Variants in RUNX1 observed in about 807,000 individuals in gnomAD.
RUNX1 encodes the protein runt-related transcription factor 1.
In RUNX1, 19 loss-of-function variants were observed where a neutral mutation model predicts 42.8. The observed-to-expected ratio is 0.44, with a 90% CI of 0.31 to 0.65. The LOEUF is 0.65. Ranked by LOEUF, RUNX1 falls within the 30% of genes least tolerant of loss-of-function variation. The pLI is 0.07. For synonymous variants in RUNX1, 271 were observed against 289.4 expected (o/e 0.94, Z 0.64); for missense variants, 528 against 672.0 (o/e 0.79, Z 2.37).
intron 7 of RUNX1, among the ~76,000 whole-genome samples, chr21:34,809,922 T>C (rs1279035352): frequency 6.6e-6 from 1 of 152,236 alleles, no homozygotes; most frequent in African/African-American, 2.4e-5. Context: ...GAGAATACGA[T>C]GCTTTTGAGC....
intron 7 of RUNX1, chr21:34,821,805 G>T: frequency 1.1e-6 from 1 of 901,526 alleles, no homozygotes; most frequent in Non-Finnish European, 1.6e-6. Flanking sequence ...AGAATCAAAT[G>T]AGGAAATCAG....
Position 34,930,270 on chromosome 21 carries a change from G to GTATATATATA in RUNX1, c.59-37317_59-37308dup, listed in dbSNP as rs1555906427. Reference sequence around the variant, plus strand: ...ATGTATATTATACGTGTGTGTGTATGTATATATATATATATATATATAAAT... The same window carrying GTATATATATA: ...ATGTATATTATACGTGTGTGTGTATGTATATATATATATATATATATATATATATATAAAT... On this transcript the variant is annotated intron_variant, in intron 2 of 8. Coordinates refer to ENST00000675419, the MANE Select transcript of RUNX1 (RefSeq NM_001754.5). Among the ~76,000 whole-genome samples the GTATATATATA allele has an allele frequency of 8.0e-4, 98 of 123,012 alleles. 2 individuals carry two copies. The highest frequency in any genetic ancestry group is 2.9e-3 in the African/African-American group (78 of 26,660). The allele number at this position is 123,012 out of a possible 152,430, so 80.7% of individuals were successfully genotyped here. A position where few individuals can be genotyped will look rare whatever the true frequency, so the allele number is the denominator to read the frequency against.
chr21:34,872,579 T>C (rs796957018), intron 5 of RUNX1, among the ~76,000 whole-genome samples: 16 of 152,246 alleles, frequency 1.1e-4, no homozygotes, highest in African/African-American at 3.6e-4. Flanking sequence ...AAATTTAAAA[T>C]AAGTTTTTCA....
rs566325479 is a variant in RUNX1 at position 34,997,560 on chromosome 21, C to A, written c.58+51282G>T. ...ATTAGATGGTAAAGTAGTCTTGGCA[C>A]TGGAAGTCGTCTTGCTGACGATCAG... is the stretch of plus-strand genomic sequence containing the variant. On this transcript the variant is annotated intron_variant, in intron 2 of 8. Transcript: ENST00000675419. Among the ~76,000 whole-genome samples, 11 of 152,320 alleles carry A rather than the reference C, an allele frequency of 7.2e-5. 1 individual carries two copies. In the South Asian group the frequency reaches 2.1e-3, roughly 29 times the overall value.
At chr21:34,835,782 C>T (rs538381757) in intron 6 of RUNX1, among the ~76,000 whole-genome samples, 39 of 152,280 alleles carry the variant, frequency 2.6e-4, no homozygotes, top group African/African-American at 8.9e-4. Flanking sequence ...ACAGCCTGCC[C>T]GCTGCCCCCA....
intron 3 of RUNX1, among the ~76,000 whole-genome samples, chr21:34,891,972 A>G (rs2058085205): frequency 6.6e-6 from 1 of 152,210 alleles, no homozygotes; most frequent in Non-Finnish European, 1.5e-5. Context: ...GAAGATAACT[A>G]AATCTTTTAC....
intron 2 of RUNX1, among the ~76,000 whole-genome samples, chr21:34,922,783 T>C (rs1389816471): frequency 6.6e-6 from 1 of 152,242 alleles, no homozygotes; most frequent in Non-Finnish European, 1.5e-5. Context: ...CTGGATATTT[T>C]CTGCTCAATT....
At chr21:34,960,390 G>A (rs1182597493) in intron 2 of RUNX1, among the ~76,000 whole-genome samples, 1 of 152,188 alleles carries the variant, frequency 6.6e-6, no homozygotes, top group Non-Finnish European at 1.5e-5. Context: ...CTTTCCTGCT[G>A]ACTGGGTGCA....
intron 2 of RUNX1, among the ~76,000 whole-genome samples, chr21:35,008,866 A>C (rs1218001358): frequency 2.0e-5 from 3 of 152,236 alleles, no homozygotes; most frequent in Non-Finnish European, 4.4e-5. Context: ...TAGAACGTCA[A>C]GTAGGACCTT....
chr21:34,844,720 C>T (rs1195966096), intron 6 of RUNX1, among the ~76,000 whole-genome samples: 1 of 152,198 alleles, frequency 6.6e-6, no homozygotes, highest in African/African-American at 2.4e-5. Context: ...AAATTCCCTC[C>T]TATTTCTAAA....
At chr21:34,945,234 A>T (rs2058555792) in intron 2 of RUNX1, among the ~76,000 whole-genome samples, 1 of 152,232 alleles carries the variant, frequency 6.6e-6, no homozygotes. Flanking sequence ...TAGTTACATA[A>T]AATACAGCCA....
chr21:34,930,198 TATATATAC>T (rs1263832290), intron 2 of RUNX1, among the ~76,000 whole-genome samples: 15 of 143,926 alleles, frequency 1.0e-4, no homozygotes, highest in Non-Finnish European at 1.5e-4. Context: ...ACATATATAT[TATATATAC>T]ATATATACAT....
At chr21:34,989,958 G>C (rs912870478) in intron 2 of RUNX1, among the ~76,000 whole-genome samples, 20 of 152,178 alleles carry the variant, frequency 1.3e-4, no homozygotes, top group African/African-American at 4.8e-4. Flanking sequence ...TTGGGGACGG[G>C]AGCATGCTCA....
chr21:35,036,045 C>T (rs1321071353), intron 2 of RUNX1, among the ~76,000 whole-genome samples: 2 of 152,152 alleles, frequency 1.3e-5, no homozygotes, highest in Admixed American at 1.3e-4. Context: ...CTGAAGGTGA[C>T]AGTGGAGGCC....
At chr21:34,857,462 G>A (rs1254043374) in intron 6 of RUNX1, among the ~76,000 whole-genome samples, 2 of 152,158 alleles carry the variant, frequency 1.3e-5, no homozygotes, top group Non-Finnish European at 2.9e-5. Context: ...CTGGCAGTGA[G>A]GCAAAACCCA....
chr21:34,955,347 A>T (rs1016149463), intron 2 of RUNX1, among the ~76,000 whole-genome samples: 29 of 152,268 alleles, frequency 1.9e-4, no homozygotes, highest in African/African-American at 7.0e-4. Flanking sequence ...CTTTAGGACT[A>T]TATCTGGCCC....
intron 2 of RUNX1, among the ~76,000 whole-genome samples, chr21:35,037,715 T>C (rs999695426): frequency 6.6e-6 from 1 of 152,172 alleles, no homozygotes; most frequent in Non-Finnish European, 1.5e-5. Flanking sequence ...GGATTAATAA[T>C]GAGAGCACCT....
At chr21:35,048,327 C>T (rs2059415425) in intron 2 of RUNX1, among the ~76,000 whole-genome samples, 2 of 152,208 alleles carry the variant, frequency 1.3e-5, no homozygotes, top group African/African-American at 4.8e-5. Flanking sequence ...GCCCTGAAGT[C>T]CCCAGGCTGG....
At chr21:34,976,772 T>C (rs191307865) in intron 2 of RUNX1, among the ~76,000 whole-genome samples, 36 of 152,344 alleles carry the variant, frequency 2.4e-4, no homozygotes, top group African/African-American at 7.7e-4. Flanking sequence ...TTGGTTATTA[T>C]ACGTCCCTTA....
Sources: gnomAD v4.1 joint callset for allele counts (sites outside exome capture counted in the v4.1 genomes callset) on GRCh38, gnomAD v4.1.1 for gene constraint, MANE v1.5 for transcripts, NCBI Gene and HGNC (gene_info 2026-07-23, HGNC 2026-07-21) for gene names.